Variants in SPDYC observed in about 807,000 individuals in gnomAD.
SPDYC encodes speedy/RINGO cell cycle regulator family member C.
A neutral mutation model predicts 33.9 loss-of-function variants in SPDYC; 25 were observed. That is an observed-to-expected ratio of 0.74 (90% confidence interval 0.54 to 1.03). The LOEUF is 1.03. Among genes scored for constraint, SPDYC ranks in the 50% least tolerant of loss-of-function variants. SPDYC has a pLI of 0.00. For missense variants in SPDYC, 349 were observed against 382.9 expected, an observed-to-expected ratio of 0.91 and a Z score of 0.74; for synonymous variants, 133 against 140.2, an observed-to-expected ratio of 0.95 and a Z score of 0.36.
exon 4 of SPDYC, chr11:65,172,285 C>T: frequency 6.2e-7 from 1 of 1,614,186 alleles, no homozygotes. Context: ...CCAGCGCGCC[C>T]ACCTGAAGCT....
chr11:65,171,452 TC>T lies in SPDYC; in HGVS notation c.154del (p.Arg52ValfsTer50), dbSNP rs758347912. 1.5e-5 allele frequency: 24 copies of T among 1,597,392 alleles called. No individual in the cohort carries two copies. In the East Asian group the frequency reaches 2.3e-4, roughly 15 times the overall value. ...CGGCAAGGTGGGGGCAATGGGTTCC[TC>T]CGTTTTCGCCAGCACCAGGAGGTCC... On this transcript the variant is annotated frameshift_variant, in exon 2 of 7. Transcript: ENST00000377185. LOFTEE classifies it high-confidence loss of function.
downstream of SPDYC, chr11:65,173,326 T>C: frequency 4.6e-6 from 6 of 1,304,854 alleles, 1 homozygote; most frequent in South Asian, 8.1e-5. Context: ...GTGCCCACTC[T>C]GGTGCCAGTC....
At chr11:65,171,681 G>A (rs577209906) in intron 2 of SPDYC, among the ~76,000 whole-genome samples, 182 bp downstream of exon 2, 8 of 152,260 alleles carry the variant, frequency 5.3e-5, no homozygotes, top group Admixed American at 2.0e-4. Context: ...GCCAGGCACC[G>A]TGAGTCATAC....
At chr11:65,171,520 C>T (rs753488366) in intron 2 of SPDYC, 21 bp downstream of exon 2, 15 of 1,522,820 alleles carry the variant, frequency 9.9e-6, no homozygotes, top group African/African-American at 4.2e-5. Flanking sequence ...AGGGCTGGCA[C>T]GGGAGGGGCC....
chr11:65,170,254 G>A, exon 1 of SPDYC: 2 of 1,578,516 alleles, frequency 1.3e-6, no homozygotes, highest in African/African-American at 1.4e-5. Context: ...GGCCATTCCT[G>A]AGCTCGGGTA....
chr11:65,173,015 G>C lies in SPDYC; in HGVS notation c.847+1G>C. 6.2e-7 allele frequency: 1 copy of C among 1,612,886 alleles called. No homozygotes were observed. Among genetic ancestry groups the C allele is most frequent in the Non-Finnish European group, 8.5e-7 (1 of 1,179,360 alleles). ...GAACCAGGCACCTACTCCCTCCGCA[G>C]TGAGTGCAGGATGGGACAGGAGCTG... On this transcript the variant is annotated splice_donor_variant, in intron 6 of 6. Coordinates refer to ENST00000377185, the Ensembl canonical transcript of SPDYC. LOFTEE classifies it high-confidence loss of function.
intron 2 of SPDYC, 55 bp from the exon 3 acceptor site, chr11:65,171,888 C>T (rs977743946): frequency 1.3e-6 from 2 of 1,532,838 alleles, no homozygotes; most frequent in African/African-American, 1.4e-5. Flanking sequence ...TGATGCCACT[C>T]TTCTCCATGG....
chr11:65,171,824 G>T, intron 2 of SPDYC, 119 bp from the exon 3 acceptor site: 1 of 864,676 alleles, frequency 1.2e-6, no homozygotes, highest in East Asian at 2.5e-5. Context: ...GAGAAAAAGG[G>T]AGAAAAAGAG....
At position 65,171,056 on chromosome 11, in the gene SPDYC, A is replaced by G. The variant is rs966874712; in HGVS notation, c.27-271A>G. On this transcript the variant is annotated intron_variant, in intron 1 of 6. Coordinates refer to ENST00000377185, the Ensembl canonical transcript of SPDYC. Reference sequence around the variant, plus strand: ...AAGGCCCTTAAGCACAGCCCCAGGCACTTAGGAAGCCCTCAGCGGTGCTTG... The same window carrying G: ...AAGGCCCTTAAGCACAGCCCCAGGCGCTTAGGAAGCCCTCAGCGGTGCTTG... Among the ~76,000 whole-genome samples, 8 of 152,042 alleles carry G rather than the reference A, an allele frequency of 5.3e-5. No individual in the cohort carries two copies. In the South Asian group the frequency reaches 1.7e-3, roughly 32 times the overall value.
chr11:65,173,078 C>A, intron 6 of SPDYC, 64 bp downstream of exon 6: 1 of 1,597,004 alleles, frequency 6.3e-7, no homozygotes, highest in Non-Finnish European at 8.5e-7. Context: ...GGAGTGAGGA[C>A]CAACAATATG....
At chr11:65,172,949 G>T in exon 6 of SPDYC, 4 of 1,614,164 alleles carry the variant, frequency 2.5e-6, no homozygotes, top group Non-Finnish European at 3.4e-6. Flanking sequence ...AACGCCTGGG[G>T]TGGGGACTTT....
chr11:65,172,475 A>C (rs924746125), exon 5 of SPDYC: 1 of 1,583,648 alleles, frequency 6.3e-7, no homozygotes, highest in Admixed American at 1.8e-5. Context: ...GAGGGCCCCA[A>C]ATGTGAGATT....
chr11:65,170,372 T>TTC (rs958980581), intron 1 of SPDYC, 111 bp downstream of exon 1: 5 of 1,145,604 alleles, frequency 4.4e-6, no homozygotes, highest in Non-Finnish European at 4.6e-6. Flanking sequence ...CGTGGTTGGC[T>TTC]TCTCTCTCTC....
chr11:65,172,956 C>T, exon 6 of SPDYC: 1 of 1,613,936 alleles, frequency 6.2e-7, no homozygotes, highest in African/African-American at 1.3e-5. Flanking sequence ...GGGGTGGGGA[C>T]TTTCTCATCG....
rs1269699776 is a variant in SPDYC, at chr11:65,172,928, C to G, written c.761C>G (p.Ser254Ter). ...CGCCCTCCCTCCCAAAATTATCTCT[C>G]AAGGGTCAAAAACGCCTGGGGTGGG... is the stretch of plus-strand genomic sequence containing the variant. The change falls in exon 6 of 7, where the codon TCA becomes TGA. Residue 254 changes from serine to a stop codon, truncating the protein, a stop_gained. Coordinates refer to ENST00000377185, the Ensembl canonical transcript of SPDYC. LOFTEE classifies it high-confidence loss of function. 4.3e-6 allele frequency: 7 copies of G among 1,614,148 alleles called. No homozygotes were observed. The South Asian group carries it at 7.7e-5, about 18-fold the overall frequency.
chr11:65,172,326 G>C, exon 4 of SPDYC: 1 of 1,614,082 alleles, frequency 6.2e-7, no homozygotes, highest in Non-Finnish European at 8.5e-7. Flanking sequence ...GCCTGTTCTT[G>C]GCCCTGTGAG....
chr11:65,171,250 T>A, intron 1 of SPDYC, 77 bp from the exon 2 acceptor site: 1 of 1,493,570 alleles, frequency 6.7e-7, no homozygotes, highest in Non-Finnish European at 9.0e-7. Flanking sequence ...TCCACCGTCC[T>A]GGCCCCTGTC....
At position 65,170,262 on chromosome 11, in the gene SPDYC, G is replaced by A; in HGVS notation, c.26+1G>A. On this transcript the variant is annotated splice_donor_variant, in intron 1 of 6. Coordinates refer to ENST00000377185, the Ensembl canonical transcript of SPDYC. LOFTEE classifies it high-confidence loss of function. ...TGCTCTGGGCCATTCCTGAGCTCGG[G>A]TAAGGCTCGCTGCAGGAGGAGGCTG... The A allele has an allele frequency of 6.3e-7, 1 of 1,581,912 alleles. No individual in the cohort carries two copies. The highest frequency in any genetic ancestry group is 1.1e-5 in the South Asian group (1 of 87,718).
At chr11:65,172,832 C>T in exon 6 of SPDYC, 1 of 1,614,158 alleles carries the variant, frequency 6.2e-7, no homozygotes, top group South Asian at 1.1e-5. Flanking sequence ...TGTGGTTTGC[C>T]CCAGCACTGC....
Sources: gnomAD v4.1 joint callset for allele counts (sites outside exome capture counted in the v4.1 genomes callset) on GRCh38, gnomAD v4.1.1 for gene constraint, MANE v1.5 for transcripts, NCBI Gene and HGNC (gene_info 2026-07-23, HGNC 2026-07-21) for gene names.